KDM4C: variants seen among roughly 807,000 people sequenced by gnomAD.
KDM4C encodes the protein lysine-specific demethylase 4C.
In KDM4C, 81 loss-of-function variants were observed where a neutral mutation model predicts 129.3. The observed-to-expected ratio is 0.63, with a 90% confidence interval of 0.52 to 0.75. KDM4C has a LOEUF of 0.75. KDM4C is among the 30% of genes least tolerant of loss of function. KDM4C has a pLI of 0.00. For missense variants in KDM4C, 1,457 were observed against 1,304.0 expected (o/e 1.12, Z -1.81); for synonymous variants, 573 against 456.1 (o/e 1.26, Z -3.26).
chr9:7,069,529 A>C (rs1832911542), intron 17 of KDM4C, among the ~76,000 whole-genome samples: 1 of 152,332 alleles, frequency 6.6e-6, no homozygotes, highest in South Asian at 2.1e-4. Context: ...AAAACAAAAC[A>C]AAACAAAAAA....
chr9:7,132,338 G>A (rs115880586), intron 19 of KDM4C, among the ~76,000 whole-genome samples: 5 of 152,222 alleles, frequency 3.3e-5, no homozygotes, highest in African/African-American at 1.2e-4. Flanking sequence ...ATTTTGGCAG[G>A]CGTTAAAAAT....
intron 5 of KDM4C, among the ~76,000 whole-genome samples, chr9:6,863,019 T>C (rs766963849): frequency 2.0e-5 from 3 of 152,148 alleles, no homozygotes; most frequent in South Asian, 2.1e-4. Flanking sequence ...ATAATAGTTA[T>C]ACCTATTTTG....
chr9:7,157,255 T>G (rs925132831), intron 19 of KDM4C, among the ~76,000 whole-genome samples: 1 of 152,226 alleles, frequency 6.6e-6, no homozygotes. Context: ...GATTTTGGGC[T>G]GAGATGATAG....
chr9:6,764,077 TTTTTG>T (rs993545665), intron 1 of KDM4C, among the ~76,000 whole-genome samples: 1 of 152,090 alleles, frequency 6.6e-6, no homozygotes, highest in African/African-American at 2.4e-5. Context: ...CTTTTAACAG[TTTTTG>T]TTTTGTTTTA....
chr9:6,756,333 T>C (rs562033888), upstream of KDM4C, among the ~76,000 whole-genome samples: 36 of 152,390 alleles, frequency 2.4e-4, no homozygotes, highest in African/African-American at 8.4e-4. Context: ...TATTTTAGCA[T>C]ATCCAATTTA....
intron 2 of KDM4C, among the ~76,000 whole-genome samples, chr9:6,799,240 G>C (rs924041767): frequency 1.4e-4 from 21 of 152,014 alleles, no homozygotes; most frequent in Admixed American, 3.9e-4. Context: ...TTGTAGCGAC[G>C]CGAGATCACG....
intron 17 of KDM4C, chr9:7,076,439 G>T (rs1476337275): frequency 1.3e-6 from 2 of 1,549,116 alleles, no homozygotes; most frequent in Middle Eastern, 1.7e-4. Flanking sequence ...TTCAGGGAAG[G>T]CTGGGAATCT....
intron 18 of KDM4C, among the ~76,000 whole-genome samples, chr9:7,112,640 C>T (rs1414268851): frequency 4.6e-5 from 7 of 152,158 alleles, no homozygotes; most frequent in Non-Finnish European, 1.0e-4. Flanking sequence ...CTTGCCCTGG[C>T]CCCCACAGGG....
chr9:7,011,806 A>G lies in KDM4C; in HGVS notation c.1895A>G (p.Gln632Arg), dbSNP rs376636217. ...AAGTCCCCTAACTTCGCAGCTGAGC[A>G]AGAGTATAATGCAACAGTGGCCAGG... ...QTKSPNFAAE[Q>R]EYNATVARMK... Residue 632 changes from glutamine (Q) to arginine (R), a missense_variant, in exon 13 of 22, where the codon CAA becomes CGA. Transcript: ENST00000381309. 3.7e-6 allele frequency: 6 copies of G among 1,614,068 alleles called. No individual in the cohort carries two copies. In the African/African-American group the frequency reaches 8.0e-5, roughly 22 times the overall value.
At chr9:6,761,856 G>C (rs908816649) in intron 1 of KDM4C, among the ~76,000 whole-genome samples, 2 of 152,018 alleles carry the variant, frequency 1.3e-5, no homozygotes, top group African/African-American at 4.8e-5. Flanking sequence ...CTGTCGCCCA[G>C]GCTGGAGTGC....
intron 8 of KDM4C, among the ~76,000 whole-genome samples, chr9:6,957,525 T>C (rs893335433): frequency 6.6e-6 from 1 of 152,046 alleles, no homozygotes; most frequent in Non-Finnish European, 1.5e-5. Flanking sequence ...TCTGCAGTAA[T>C]AGCAGCCACA....
At chr9:6,970,585 AT>A (rs1459989832) in intron 8 of KDM4C, among the ~76,000 whole-genome samples, 1 of 152,128 alleles carries the variant, frequency 6.6e-6, no homozygotes, top group Non-Finnish European at 1.5e-5. Context: ...AGGCTTCATG[AT>A]TTTGCACTGT....
chr9:6,955,908 A>G (rs949556839), intron 8 of KDM4C, among the ~76,000 whole-genome samples: 3 of 152,244 alleles, frequency 2.0e-5, no homozygotes. Flanking sequence ...AGAGCACAAT[A>G]CAACCAGTTG....
At chr9:7,001,128 G>T (rs972768994) in intron 12 of KDM4C, among the ~76,000 whole-genome samples, 2 of 152,182 alleles carry the variant, frequency 1.3e-5, no homozygotes, top group Non-Finnish European at 2.9e-5. Flanking sequence ...CCTTTTGGAG[G>T]TGTTAGGTTC....
At chr9:6,809,252 G>A (rs149110173) in intron 3 of KDM4C, among the ~76,000 whole-genome samples, 324 of 152,300 alleles carry the variant, frequency 2.1e-3, no homozygotes, top group African/African-American at 7.4e-3. Flanking sequence ...TCGAGAACAT[G>A]AAACTTTCAA....
chr9:7,121,488 C>G (rs868761883), intron 18 of KDM4C, among the ~76,000 whole-genome samples: 1 of 152,126 alleles, frequency 6.6e-6, no homozygotes, highest in Non-Finnish European at 1.5e-5. Context: ...CAGTCTAGGC[C>G]AGATTCAAAG....
chr9:6,734,390 G>A (rs1185944005), intron 1 of KDM4C, among the ~76,000 whole-genome samples: 1 of 151,396 alleles, frequency 6.6e-6, no homozygotes, highest in Non-Finnish European at 1.5e-5. Context: ...TGCCTCCCGG[G>A]TTCAAGTGAT....
intron 1 of KDM4C, among the ~76,000 whole-genome samples, chr9:6,724,849 A>G (rs1817070946): frequency 6.6e-6 from 1 of 151,988 alleles, no homozygotes; most frequent in South Asian, 2.1e-4. Flanking sequence ...TTACTTTCTT[A>G]TTGCCACTAT....
intron 17 of KDM4C, among the ~76,000 whole-genome samples, chr9:7,073,636 G>T (rs895932079): frequency 2.0e-5 from 3 of 152,180 alleles, no homozygotes; most frequent in Non-Finnish European, 2.9e-5. Flanking sequence ...TCATTTCAGA[G>T]TACTTTAAAT....
Sources: gnomAD v4.1 joint callset for allele counts (sites outside exome capture counted in the v4.1 genomes callset) on GRCh38, gnomAD v4.1.1 for gene constraint, MANE v1.5 for transcripts, NCBI Gene and HGNC (gene_info 2026-07-23, HGNC 2026-07-21) for gene names.